Variants in PCDHGA2 observed in about 807,000 individuals in gnomAD.
PCDHGA2 encodes the protein protocadherin gamma subfamily A, 2.
A neutral mutation model predicts 59.2 loss-of-function variants in PCDHGA2; 40 were observed. That is an observed-to-expected ratio of 0.68 (90% CI 0.52 to 0.88). PCDHGA2 has a LOEUF of 0.88. Among genes scored for constraint, PCDHGA2 ranks in the 40% least tolerant of loss-of-function variants. PCDHGA2 has a pLI of 0.00. For missense variants in PCDHGA2, 1,226 were observed against 1,204.0 expected (o/e 1.02, Z -0.27); for synonymous variants, 560 against 526.0 (o/e 1.06, Z -0.89).
Position 141,505,229 on chromosome 5 carries a change from G to T in PCDHGA2, c.2484-164G>T, listed in dbSNP as rs116169437. 9.5e-4 allele frequency: 809 copies of T among 847,460 alleles called. 6 individuals carry two copies. In the African/African-American group the frequency reaches 0.013, roughly 13 times the overall value. 52.5% of individuals were successfully genotyped at this position (847,460 alleles called of 1,614,324 possible). ...TGAGGGACTGACTTGTGGGATTCTG[G>T]CTTCTGAAGGATTGTAGAAGTGCCT... On this transcript the variant is annotated intron_variant, in intron 2 of 3. Coordinates refer to ENST00000394576, the MANE Select transcript of PCDHGA2 (RefSeq NM_018915.4).
intron 1 of PCDHGA2, among the ~76,000 whole-genome samples, chr5:141,407,095 T>C (rs1242751445): frequency 6.6e-6 from 1 of 152,370 alleles, no homozygotes; most frequent in East Asian, 1.9e-4. Flanking sequence ...ATTGTTTTAT[T>C]TGTTTGTAAT....
intron 1 of PCDHGA2, among the ~76,000 whole-genome samples, chr5:141,453,357 C>T (rs1027586816): frequency 1.3e-5 from 2 of 152,002 alleles, no homozygotes; most frequent in Admixed American, 6.6e-5. Flanking sequence ...TGACCCTGAA[C>T]TCCTGGGGTC....
intron 1 of PCDHGA2, chr5:141,399,111 A>G (rs1561667842): frequency 1.9e-6 from 3 of 1,613,732 alleles, no homozygotes; most frequent in East Asian, 2.2e-5. Context: ...CACAATGTAC[A>G]GTTGAAATTA....
Position 141,410,515 on chromosome 5 carries a change from G to A in PCDHGA2, c.2424+69120G>A, listed in dbSNP as rs373451539. The A allele has an allele frequency of 1.9e-6, 3 of 1,613,828 alleles. No homozygotes were observed. The African/African-American group carries it at 4.0e-5, about 22-fold the overall frequency. On this transcript the variant is annotated intron_variant, in intron 1 of 3. Coordinates refer to ENST00000394576, the MANE Select transcript of PCDHGA2 (RefSeq NM_018915.4). ...AGTTTAATTTCCTAAAATGCAGTGT[G>A]CCCCTACATTCCAATGAAGACATGG...
intron 1 of PCDHGA2, among the ~76,000 whole-genome samples, chr5:141,455,045 C>G (rs1008259013): frequency 6.6e-6 from 1 of 151,798 alleles, no homozygotes; most frequent in Non-Finnish European, 1.5e-5. Context: ...ATCTCCTGAC[C>G]TCGTGATCCG....
chr5:141,419,214 T>C lies in PCDHGA2; in HGVS notation c.2425-75593T>C. On this transcript the variant is annotated intron_variant, in intron 1 of 3. Coordinates refer to ENST00000394576, the MANE Select transcript of PCDHGA2 (RefSeq NM_018915.4). ...GACGTCAATGACAACGCGCCGGTTT[T>C]CGGACAGTCAGCCTACCTGGTCCAC... 1.9e-6 allele frequency: 3 copies of C among 1,613,986 alleles called. No individual in the cohort carries two copies. In the South Asian group the frequency reaches 3.3e-5, roughly 18 times the overall value.
At chr5:141,427,088 T>C in intron 1 of PCDHGA2, 1 of 458,156 alleles carries the variant, frequency 2.2e-6, no homozygotes. Flanking sequence ...CTGACCAGGA[T>C]GAGGGTGTCA....
intron 1 of PCDHGA2, chr5:141,371,313 C>T (rs760463851): frequency 6.2e-7 from 1 of 1,613,964 alleles, no homozygotes. Context: ...TATTGGAGAA[C>T]TGGACTTTGA....
intron 1 of PCDHGA2, chr5:141,400,592 G>A: frequency 3.7e-6 from 6 of 1,603,194 alleles, no homozygotes; most frequent in Non-Finnish European, 5.1e-6. Flanking sequence ...TGAAACTATC[G>A]TACATTTTCA....
intron 1 of PCDHGA2, chr5:141,364,964 C>T: frequency 6.2e-7 from 1 of 1,613,938 alleles, no homozygotes; most frequent in Non-Finnish European, 8.5e-7. Context: ...CGACCTCCTC[C>T]TCACAGCTTT....
At chr5:141,351,295 C>A in intron 1 of PCDHGA2, 3 of 1,613,808 alleles carry the variant, frequency 1.9e-6, no homozygotes, top group South Asian at 1.1e-5. Context: ...AGGTGACATT[C>A]ATGTCCTTCT....
chr5:141,509,787 TCTC>T (rs2099878266), intron 3 of PCDHGA2, among the ~76,000 whole-genome samples: 1 of 152,132 alleles, frequency 6.6e-6, no homozygotes, highest in Non-Finnish European at 1.5e-5. Context: ...GAGATCATCA[TCTC>T]CTCAGCTTCA....
At chr5:141,375,357 C>T in intron 1 of PCDHGA2, 3 of 1,613,858 alleles carry the variant, frequency 1.9e-6, no homozygotes, top group African/African-American at 1.3e-5. Flanking sequence ...GTGACAGCCA[C>T]GGACAAAGGA....
rs767108870 is a variant in PCDHGA2 at position 141,485,169 on chromosome 5, C to T, written c.2425-9638C>T. On this transcript the variant is annotated intron_variant, in intron 1 of 3. Transcript: ENST00000394576. This position sits in a 1 kb window ranked among gnomAD's most constrained non-coding sequence, Gnocchi z 5.7. ...GAGCAAGTAGAGAATTAGCGGGCGG[C>T]AGCAATGCTCCGCAAGGTGAGAAGC... The T allele has an allele frequency of 6.2e-7, 1 of 1,608,524 alleles. No homozygotes were observed. Among genetic ancestry groups the T allele is most frequent in the South Asian group, 1.1e-5 (1 of 90,730 alleles).
At chr5:141,375,273 C>T in intron 1 of PCDHGA2, 1 of 1,613,854 alleles carries the variant, frequency 6.2e-7, no homozygotes, top group Non-Finnish European at 8.5e-7. Flanking sequence ...TTGGAAAAAT[C>T]AGTTGGCAAT....
At chr5:141,392,771 A>G in intron 1 of PCDHGA2, 1 of 1,514,130 alleles carries the variant, frequency 6.6e-7, no homozygotes, top group Non-Finnish European at 8.8e-7. Flanking sequence ...AGACCCATTT[A>G]TGCACAGTGA....
chr5:141,442,051 C>G (rs1384937090), intron 1 of PCDHGA2: 1 of 197,158 alleles, frequency 5.1e-6, no homozygotes, highest in East Asian at 1.8e-4. Context: ...CTACTGGTCG[C>G]GGTGCACTGC....
intron 2 of PCDHGA2, among the ~76,000 whole-genome samples, chr5:141,501,290 TACACAC>T (rs55762287): frequency 0.081 from 10,957 of 136,038 alleles, 480 homozygotes; most frequent in African/African-American, 0.13. Context: ...TATTCCCTTA[TACACAC>T]ACACACACAC....
Position 141,341,381 on chromosome 5 carries a change from G to T in PCDHGA2, c.2410G>T (p.Glu804Ter). The T allele has an allele frequency of 6.2e-7, 1 of 1,614,234 alleles. No homozygotes were observed. Among genetic ancestry groups the T allele is most frequent in the Non-Finnish European group, 8.5e-7 (1 of 1,180,040 alleles). Residue 804 changes from glutamate (E) to a stop codon, truncating the protein, a stop_gained, in exon 1 of 4, where the codon GAA becomes TAA. Transcript: ENST00000394576. LOFTEE classifies it high-confidence loss of function. Reference protein sequence around the residue: ...PQSLLEEEREETFSQQAPPNT... With the variant: ...PQSLLEEERE Reference sequence around the variant, plus strand: ...ATCTCTACTCGAAGAAGAAAGAGAAGAAACGTTTTCTCAGGTAATCTATCT... The same window carrying T: ...ATCTCTACTCGAAGAAGAAAGAGAATAAACGTTTTCTCAGGTAATCTATCT...
Sources: gnomAD v4.1 joint callset for allele counts (sites outside exome capture counted in the v4.1 genomes callset) on GRCh38, gnomAD v4.1.1 for gene constraint, Gnocchi (gnomAD v3.1) non-coding constraint, MANE v1.5 for transcripts, NCBI Gene and HGNC (gene_info 2026-07-23, HGNC 2026-07-21) for gene names.